Variants in KIRREL1 observed in about 807,000 individuals in gnomAD.
KIRREL1 encodes kirre like nephrin family adhesion molecule 1, also known as kin of IRRE-like protein 1.
Under a neutral mutation model 83.3 loss-of-function variants are expected in KIRREL1, and 25 were observed. The observed-to-expected ratio is 0.30, with a 90% CI of 0.22 to 0.42. The LOEUF is 0.42. KIRREL1 is among the 10% of genes least tolerant of loss of function. The probability of loss-of-function intolerance (pLI) is 1.00; values close to 1 mark genes in which losing one functional copy is unlikely to be tolerated. For synonymous variants in KIRREL1, 388 were observed against 410.4 expected (o/e 0.95, Z 0.66); for missense variants, 812 against 1,032.3 (o/e 0.79, Z 2.92).
At chr1:158,062,775 C>G (rs1404001330) in intron 1 of KIRREL1, among the ~76,000 whole-genome samples, 1 of 152,248 alleles carries the variant, frequency 6.6e-6, no homozygotes, top group African/African-American at 2.4e-5. Context: ...CTTCTCAAGC[C>G]TGTCCCCAAA....
chr1:158,088,405 T>C lies in KIRREL1; in HGVS notation c.995T>C (p.Val332Ala). The change falls in exon 8 of 15, where the codon GTT (valine) becomes GCT (alanine). Residue 332 changes from valine to alanine, a missense_variant. This residue lies in a region of KIRREL1 where 472 missense variants were observed against 626.8 expected (regional missense o/e 0.75). Transcript: ENST00000359209. ...GSDVTLTCVW[V>A]GNPPLTLTWT... ...GATGTGACCCTTACCTGTGTCTGGG[T>C]TGGGAATCCCCCCCTCACTCTCACC... 1.9e-6 allele frequency: 3 copies of C among 1,612,662 alleles called. No homozygotes were observed. The highest frequency in any genetic ancestry group is 2.5e-6 in the Non-Finnish European group (3 of 1,179,540).
chr1:158,076,360 C>A, intron 2 of KIRREL1, 98 bp downstream of exon 2: 1 of 1,077,994 alleles, frequency 9.3e-7, no homozygotes, highest in Non-Finnish European at 1.4e-6. Context: ...TTAGTTCCCT[C>A]ACCACCCTCC....
intron 1 of KIRREL1, among the ~76,000 whole-genome samples, chr1:158,071,093 C>G (rs74120548): frequency 5.9e-5 from 9 of 152,206 alleles, no homozygotes; most frequent in East Asian, 1.9e-4. Context: ...TTCCTTCCCC[C>G]CTGCTTTGCC....
At chr1:158,019,257 G>T (rs923241872) in intron 1 of KIRREL1, among the ~76,000 whole-genome samples, 4 of 152,164 alleles carry the variant, frequency 2.6e-5, no homozygotes, top group African/African-American at 9.7e-5. Flanking sequence ...ATAAAGAGCT[G>T]AGGCATAGCT....
intron 1 of KIRREL1, among the ~76,000 whole-genome samples, chr1:158,059,565 GA>G (rs1661155793): frequency 1.3e-5 from 2 of 152,100 alleles, no homozygotes; most frequent in African/African-American, 4.8e-5. Flanking sequence ...GGTGGGGGCA[GA>G]AAAAAACTGG....
In KIRREL1 at chr1:158,087,811, G is replaced by A. The variant is rs755228743; in HGVS notation, c.718G>A (p.Val240Ile). 1.2e-6 allele frequency: 2 copies of A among 1,614,124 alleles called. No individual in the cohort carries two copies. The highest frequency in any genetic ancestry group is 1.7e-5 in the Admixed American group (1 of 60,018). Residue 240 changes from valine to isoleucine, a missense_variant, in exon 6 of 15, where the codon GTT becomes ATT. Val to Ile is a conservative substitution (Grantham distance 29). This residue lies in a region of KIRREL1 where 472 missense variants were observed against 626.8 expected (regional missense o/e 0.75). Transcript: ENST00000359209. Reference sequence around the variant, plus strand: ...ACAGACGGTGCAGGAGGGTGAGCGTGTTGTCTTTACCTGCCAGGCCACAGC... The same window carrying A: ...ACAGACGGTGCAGGAGGGTGAGCGTATTGTCTTTACCTGCCAGGCCACAGC... ...EPQTVQEGER[V>I]VFTCQATANP... is the part of the protein sequence containing the mutation.
At chr1:158,025,875 A>C (rs1323656089) in intron 1 of KIRREL1, among the ~76,000 whole-genome samples, 1 of 151,882 alleles carries the variant, frequency 6.6e-6, no homozygotes, top group East Asian at 2.0e-4. Context: ...GGAGGAGGTC[A>C]GGATGTCTGA....
In KIRREL1 at chr1:158,089,438, GC is replaced by G. The variant is rs371205109; in HGVS notation, c.1045-61del. ...TTCTTTCCGATGCCTCCGATGTGGG[GC>G]CCTCATGGACCTAGGGGCCCAGGCC... On this transcript the variant is annotated intron_variant, in intron 8 of 14. Transcript: ENST00000359209. The G allele has an allele frequency of 3.1e-4, 496 of 1,597,308 alleles. 5 individuals carry two copies. In the South Asian group the frequency reaches 5.5e-3, roughly 18 times the overall value.
rs1661682104 is a variant in KIRREL1 at position 158,076,352 on chromosome 1, AG to A, written c.202+91del. ...TAGATTCCTGGACTCACCATCCCTT[AG>A]TTCCCTCACCACCCTCCTCTGTGCC... On this transcript the variant is annotated intron_variant, in intron 2 of 14. Coordinates refer to ENST00000359209, the MANE Select transcript of KIRREL1 (RefSeq NM_018240.7). 2.6e-5 allele frequency: 31 copies of A among 1,212,760 alleles called. No individual in the cohort carries two copies. In the South Asian group the frequency reaches 4.0e-4, roughly 16 times the overall value. The allele number at this position is 1,212,760 out of a possible 1,614,324, so 75.1% of individuals were successfully genotyped here. A position where few individuals can be genotyped will look rare whatever the true frequency, so the allele number is the denominator to read the frequency against.
chr1:158,072,541 A>T (rs1661545590), intron 1 of KIRREL1, among the ~76,000 whole-genome samples: 1 of 152,074 alleles, frequency 6.6e-6, no homozygotes, highest in African/African-American at 2.4e-5. Context: ...ACTACACGAA[A>T]GTCACGGGAG....
intron 1 of KIRREL1, among the ~76,000 whole-genome samples, chr1:158,041,531 A>G (rs1198156908): frequency 6.6e-6 from 1 of 152,188 alleles, no homozygotes; most frequent in Non-Finnish European, 1.5e-5. Context: ...GGAGAAAGGA[A>G]AACCAGCAGA....
At chr1:158,032,907 A>G (rs1475133568) in intron 1 of KIRREL1, among the ~76,000 whole-genome samples, 2 of 152,046 alleles carry the variant, frequency 1.3e-5, no homozygotes, top group East Asian at 3.9e-4. Flanking sequence ...AGTAGCTGAG[A>G]CCACAGGCAT....
At chr1:158,055,943 T>A (rs1661045628) in intron 1 of KIRREL1, among the ~76,000 whole-genome samples, 1 of 152,196 alleles carries the variant, frequency 6.6e-6, no homozygotes, top group Non-Finnish European at 1.5e-5. Flanking sequence ...CTCTTCCGCA[T>A]CTACCACCTG....
chr1:158,076,699 C>T (rs1429041722), intron 2 of KIRREL1, among the ~76,000 whole-genome samples: 2 of 152,256 alleles, frequency 1.3e-5, no homozygotes, highest in Admixed American at 6.5e-5. Context: ...CTCTCCTCCC[C>T]GCTGCCCAGG....
chr1:158,090,935 G>A (rs887921524), intron 10 of KIRREL1, among the ~76,000 whole-genome samples: 3 of 152,194 alleles, frequency 2.0e-5, no homozygotes, highest in Non-Finnish European at 4.4e-5. Flanking sequence ...GGAGCCCAGC[G>A]TTCTTGAGGA....
At chr1:157,993,762 C>A in intron 1 of KIRREL1, 34 bp downstream of exon 1, 1 of 1,409,380 alleles carries the variant, frequency 7.1e-7, no homozygotes, top group Non-Finnish European at 9.5e-7. Flanking sequence ...GGACGCTCGG[C>A]TTCCCCCCGG....
intron 1 of KIRREL1, among the ~76,000 whole-genome samples, chr1:158,029,370 C>CTGTGTGTGTGTGTGTGTGT (rs1258028201): frequency 9.6e-5 from 1 of 10,460 alleles, no homozygotes. Context: ...TGTGTGTGCA[C>CTGTGTGTGTGTGTGTGTGT]GTGCGCGCGC....
intron 3 of KIRREL1, among the ~76,000 whole-genome samples, 169 bp from the exon 4 acceptor site, chr1:158,084,253 G>A (rs753088163): frequency 3.9e-5 from 6 of 152,196 alleles, no homozygotes; most frequent in African/African-American, 7.2e-5. Context: ...CCTAGAGGAA[G>A]CCACCACAAG....
intron 1 of KIRREL1, among the ~76,000 whole-genome samples, chr1:158,002,510 G>A (rs560932817): frequency 2.6e-5 from 4 of 152,326 alleles, no homozygotes; most frequent in East Asian, 1.9e-4. Context: ...GTCCCACCAG[G>A]GGGGGTGAGA....
Sources: allele counts gnomAD v4.1 joint callset (sites outside exome capture counted in the v4.1 genomes callset), GRCh38; gene constraint gnomAD v4.1.1; regional missense constraint gnomAD v4.1.1; transcripts MANE v1.5; gene names NCBI Gene and HGNC (gene_info 2026-07-23, HGNC 2026-07-21).